The following LARGE1 variants were observed in gnomAD, a reference collection of about 807,000 sequenced individuals.
The protein encoded by LARGE1 is LARGE xylosyl- and glucuronyltransferase 1.
A neutral mutation model predicts 87.6 loss-of-function variants in LARGE1; 43 were observed. That is an observed-to-expected ratio of 0.49 (90% CI 0.38 to 0.63). The LOEUF (loss-of-function observed/expected upper bound fraction) is 0.63, where lower values mean the gene tolerates loss of function less well. Ranked by LOEUF, LARGE1 falls within the 30% of genes least tolerant of loss-of-function variation. The probability of loss-of-function intolerance (pLI) is 0.00; values close to 1 mark genes in which losing one functional copy is unlikely to be tolerated. For missense variants in LARGE1, 802 were observed against 1,000.2 expected (o/e 0.80, Z 2.67); for synonymous variants, 434 against 394.6 (o/e 1.10, Z -1.18).
chr22:33,698,455 C>T (rs977492733), intron 2 of LARGE1, among the ~76,000 whole-genome samples: 2 of 151,632 alleles, frequency 1.3e-5, no homozygotes, highest in Admixed American at 1.3e-4. Context: ...GGCACACCAC[C>T]ACGCTCGGCT....
chr22:33,715,502 T>G (rs2082882537), intron 2 of LARGE1, among the ~76,000 whole-genome samples: 1 of 152,170 alleles, frequency 6.6e-6, no homozygotes, highest in Non-Finnish European at 1.5e-5. Flanking sequence ...GCAGCTATCC[T>G]TTTAAACTGC....
At chr22:33,761,257 T>A in intron 2 of LARGE1, 114 bp downstream of exon 2, 1 of 893,170 alleles carries the variant, frequency 1.1e-6, no homozygotes, top group South Asian at 1.3e-5. Flanking sequence ...TCACTTCCCA[T>A]GACTGGAAAT....
At chr22:33,398,682 A>G (rs1487806325) in intron 7 of LARGE1, among the ~76,000 whole-genome samples, 1 of 152,160 alleles carries the variant, frequency 6.6e-6, no homozygotes, top group East Asian at 1.9e-4. Context: ...TTTTTGGAAA[A>G]TGTCTTTGCA....
At chr22:33,765,049 A>T (rs575352217) in intron 1 of LARGE1, among the ~76,000 whole-genome samples, 1 of 152,352 alleles carries the variant, frequency 6.6e-6, no homozygotes, top group Non-Finnish European at 1.5e-5. Flanking sequence ...AGCAGTAAGT[A>T]GCACTTATAT....
chr22:33,723,275 T>C (rs2083163674), intron 2 of LARGE1, among the ~76,000 whole-genome samples: 1 of 152,132 alleles, frequency 6.6e-6, no homozygotes, highest in African/African-American at 2.4e-5. Context: ...ATTTCCAGGT[T>C]GGCTGCAGAC....
intron 6 of LARGE1, among the ~76,000 whole-genome samples, chr22:33,527,341 A>G (rs1473056780): frequency 6.6e-6 from 1 of 152,184 alleles, no homozygotes; most frequent in East Asian, 1.9e-4. Context: ...GCGTACTCCA[A>G]ATGGTTCTGA....
chr22:33,154,858 A>G, the LARGE1 span, among the ~76,000 whole-genome samples: 4 of 152,154 alleles, frequency 2.6e-5, no homozygotes, highest in Non-Finnish European at 1.5e-5. Flanking sequence ...CATGGGAGGA[A>G]CCCAGTGGGA....
At chr22:33,462,120 A>T (rs2068406623) in intron 6 of LARGE1, among the ~76,000 whole-genome samples, 1 of 152,210 alleles carries the variant, frequency 6.6e-6, no homozygotes, top group Admixed American at 6.5e-5. Flanking sequence ...GAACAAGAAA[A>T]CTGTTAAAAA....
chr22:33,665,078 C>T (rs1192659097), intron 2 of LARGE1, among the ~76,000 whole-genome samples: 1 of 152,194 alleles, frequency 6.6e-6, no homozygotes, highest in Non-Finnish European at 1.5e-5. Flanking sequence ...TCTACACTTG[C>T]TGTTGCCTCT....
At chr22:33,470,709 G>T (rs989808290) in intron 6 of LARGE1, among the ~76,000 whole-genome samples, 8 of 152,152 alleles carry the variant, frequency 5.3e-5, no homozygotes, top group African/African-American at 1.9e-4. Context: ...TGACCTCTTC[G>T]TGGGGAGCAC....
the LARGE1 span, among the ~76,000 whole-genome samples, chr22:33,104,944 T>TC: frequency 6.9e-6 from 1 of 144,882 alleles, no homozygotes; most frequent in Non-Finnish European, 1.5e-5. Context: ...TCTTTCTTTC[T>TC]TTCTCTTTCT....
chr22:33,454,704 G>A (rs893520031), intron 6 of LARGE1, among the ~76,000 whole-genome samples: 7 of 151,786 alleles, frequency 4.6e-5, no homozygotes, highest in Non-Finnish European at 7.4e-5. Context: ...GGCAGCCTCC[G>A]CTTCTGGGGA....
At chr22:33,460,087 G>C (rs1438640037) in intron 6 of LARGE1, among the ~76,000 whole-genome samples, 1 of 152,190 alleles carries the variant, frequency 6.6e-6, no homozygotes, top group East Asian at 1.9e-4. Context: ...GGCGCTAAGG[G>C]GCTTACATAC....
chr22:33,171,894 C>T (rs999688482), intron 11 of LARGE1, among the ~76,000 whole-genome samples: 3 of 152,268 alleles, frequency 2.0e-5, no homozygotes, highest in African/African-American at 7.2e-5. Context: ...CCTCCAGACC[C>T]CAGAAAGGTA....
At chr22:33,431,272 T>A (rs1418655714) in intron 7 of LARGE1, among the ~76,000 whole-genome samples, 1 of 152,152 alleles carries the variant, frequency 6.6e-6, no homozygotes, top group East Asian at 1.9e-4. Context: ...CTGCTGCAGC[T>A]AGCATAGGGC....
At chr22:33,244,236 C>A (rs1187653602) in intron 11 of LARGE1, among the ~76,000 whole-genome samples, 1 of 151,896 alleles carries the variant, frequency 6.6e-6, no homozygotes, top group East Asian at 1.9e-4. Context: ...ACCTCGTGAT[C>A]CGCCCACTTC....
intron 6 of LARGE1, among the ~76,000 whole-genome samples, chr22:33,462,469 T>A (rs2148020597): frequency 6.6e-6 from 1 of 152,244 alleles, no homozygotes; most frequent in South Asian, 2.1e-4. Context: ...ACAGCAACTT[T>A]ATAGATAAAC....
At chr22:33,534,237 T>C (rs1275401680) in intron 6 of LARGE1, among the ~76,000 whole-genome samples, 1 of 151,968 alleles carries the variant, frequency 6.6e-6, no homozygotes, top group African/African-American at 2.4e-5. Flanking sequence ...ACCCTGTCTC[T>C]ACTAAAAATA....
At chr22:33,090,049 T>C in the LARGE1 span, among the ~76,000 whole-genome samples, 1 of 151,540 alleles carries the variant, frequency 6.6e-6, no homozygotes, top group Non-Finnish European at 1.5e-5. Context: ...CTACTAAAAA[T>C]ACAAAAATTG....
Sources: gnomAD v4.1 joint callset for allele counts (sites outside exome capture counted in the v4.1 genomes callset) on GRCh38, gnomAD v4.1.1 for gene constraint, MANE v1.5 for transcripts, NCBI Gene and HGNC (gene_info 2026-07-23, HGNC 2026-07-21) for gene names.